The following HS3ST3A1 variants were observed in gnomAD, a reference collection of about 807,000 sequenced individuals.
HS3ST3A1 encodes the protein heparan sulfate glucosamine 3-O-sulfotransferase 3A1.
Under a neutral mutation model 25.7 loss-of-function variants are expected in HS3ST3A1, and 19 were observed. The ratio of observed to expected loss-of-function variants is 0.74; its 90% confidence interval spans 0.52 to 1.08. The LOEUF (loss-of-function observed/expected upper bound fraction) is 1.08. Among genes scored for constraint, HS3ST3A1 ranks in the 50% least tolerant of loss-of-function variants. The pLI is 0.00. For missense variants in HS3ST3A1, 459 were observed against 594.3 expected (o/e 0.77, Z 2.37); for synonymous variants, 226 against 278.6 (o/e 0.81, Z 1.88).
At chr17:13,501,226 A>C (rs548658025) in intron 1 of HS3ST3A1, among the ~76,000 whole-genome samples, 1 of 152,332 alleles carries the variant, frequency 6.6e-6, no homozygotes, top group East Asian at 1.9e-4. Context: ...TGAACCGAAC[A>C]ACGGTTAAAA....
At chr17:13,538,743 CA>C (rs1336622736) in intron 1 of HS3ST3A1, among the ~76,000 whole-genome samples, 1 of 151,986 alleles carries the variant, frequency 6.6e-6, no homozygotes, top group Non-Finnish European at 1.5e-5. Context: ...TCTTTTCAAT[CA>C]AGATTTGGGG....
At chr17:13,549,149 G>T (rs566288257) in intron 1 of HS3ST3A1, among the ~76,000 whole-genome samples, 1 of 152,316 alleles carries the variant, frequency 6.6e-6, no homozygotes, top group African/African-American at 2.4e-5. Context: ...CCTGAAGTCA[G>T]CAAGATCACG....
chr17:13,591,048 CTTTTT>C (rs552742240), intron 1 of HS3ST3A1, among the ~76,000 whole-genome samples: 2 of 136,670 alleles, frequency 1.5e-5, no homozygotes, highest in Non-Finnish European at 3.1e-5. Context: ...TTTTTCTTTT[CTTTTT>C]TTTTTTTTTT....
chr17:13,578,259 G>T (rs1044222469), intron 1 of HS3ST3A1, among the ~76,000 whole-genome samples: 1 of 151,992 alleles, frequency 6.6e-6, no homozygotes, highest in South Asian at 2.1e-4. Context: ...AAAAGTCAGG[G>T]TTTCCAGGCC....
At chr17:13,583,514 G>A (rs1021229884) in intron 1 of HS3ST3A1, among the ~76,000 whole-genome samples, 8 of 152,042 alleles carry the variant, frequency 5.3e-5, no homozygotes, top group African/African-American at 1.9e-4. Context: ...AGTTTTCTGG[G>A]CTCCTCATAC....
At chr17:13,598,076 A>T (rs1487197088) in intron 1 of HS3ST3A1, among the ~76,000 whole-genome samples, 1 of 152,190 alleles carries the variant, frequency 6.6e-6, no homozygotes, top group Non-Finnish European at 1.5e-5. Context: ...CTGGGTGCAA[A>T]TATCTGGAAT....
intron 1 of HS3ST3A1, among the ~76,000 whole-genome samples, chr17:13,537,259 A>G (rs1252174523): frequency 6.6e-6 from 1 of 152,258 alleles, no homozygotes; most frequent in Non-Finnish European, 1.5e-5. Flanking sequence ...TTCTTGGATA[A>G]ATAGAGTGGA....
intron 1 of HS3ST3A1, among the ~76,000 whole-genome samples, chr17:13,559,600 A>G (rs946691131): frequency 4.0e-5 from 6 of 149,696 alleles, no homozygotes; most frequent in Non-Finnish European, 8.9e-5. Context: ...TATATGTTTA[A>G]TTTATTATTG....
chr17:13,544,791 AG>A (rs1161459945), intron 1 of HS3ST3A1, among the ~76,000 whole-genome samples: 2 of 150,554 alleles, frequency 1.3e-5, no homozygotes, highest in Non-Finnish European at 3.0e-5. Flanking sequence ...AAAAAAGTGC[AG>A]CCACCAGCAT....
intron 1 of HS3ST3A1, among the ~76,000 whole-genome samples, chr17:13,532,975 A>C (rs1906654015): frequency 6.6e-6 from 1 of 151,766 alleles, no homozygotes; most frequent in African/African-American, 2.4e-5. Flanking sequence ...GGCTGTTTTC[A>C]GTGACATCTG....
At chr17:13,499,935 A>G (rs575295692) in intron 1 of HS3ST3A1, among the ~76,000 whole-genome samples, 2 of 152,316 alleles carry the variant, frequency 1.3e-5, no homozygotes, top group South Asian at 2.1e-4. Context: ...AAGAAACGAT[A>G]GTCTAAATAA....
chr17:13,543,380 T>C (rs565241944), intron 1 of HS3ST3A1: 2 of 155,914 alleles, frequency 1.3e-5, no homozygotes, highest in South Asian at 4.2e-4. Flanking sequence ...GTGTCAGAAG[T>C]GTTATATCGA....
At chr17:13,561,943 G>C (rs1444686189) in intron 1 of HS3ST3A1, among the ~76,000 whole-genome samples, 5 of 152,130 alleles carry the variant, frequency 3.3e-5, no homozygotes, top group Admixed American at 6.5e-5. Flanking sequence ...GGCTTCCTCA[G>C]ATGAAGCTCT....
chr17:13,554,144 T>C (rs1476268542), intron 1 of HS3ST3A1, among the ~76,000 whole-genome samples: 1 of 152,140 alleles, frequency 6.6e-6, no homozygotes, highest in African/African-American at 2.4e-5. Context: ...AGCAAGACAT[T>C]CGATTGTACC....
chr17:13,511,146 A>G (rs1905846869), intron 1 of HS3ST3A1, among the ~76,000 whole-genome samples: 1 of 152,206 alleles, frequency 6.6e-6, no homozygotes, highest in South Asian at 2.1e-4. Flanking sequence ...TTTAAGTCCC[A>G]CAATTTGGTA....
chr17:13,575,675 T>C (rs1907931271), intron 1 of HS3ST3A1, among the ~76,000 whole-genome samples: 1 of 152,114 alleles, frequency 6.6e-6, no homozygotes. Flanking sequence ...GGAGGGAAAT[T>C]GTATTGGAAA....
intron 1 of HS3ST3A1, among the ~76,000 whole-genome samples, chr17:13,527,227 G>T (rs1426809241): frequency 2.6e-5 from 4 of 151,966 alleles, no homozygotes; most frequent in Non-Finnish European, 5.9e-5. Context: ...TCTCTTGCCT[G>T]CACTAAAGAC....
rs145880198 is a variant in HS3ST3A1, at chr17:13,499,883, G to A, written c.600-3065C>T. The stretch of plus-strand genomic sequence containing the variant: ...GCATGGGATGGGTGTGGAGAGTTGG[G>A]CTTAACTATAAGCTACCTGCAAGCT... On this transcript the variant is annotated intron_variant, in intron 1 of 1. Transcript: ENST00000284110. Among the ~76,000 whole-genome samples, 12 of 152,210 alleles carry A rather than the reference G, an allele frequency of 7.9e-5. No individual in the cohort carries two copies. In the East Asian group the frequency reaches 2.1e-3, roughly 27 times the overall value.
Position 13,510,624 on chromosome 17 carries a change from G to T in HS3ST3A1, c.600-13806C>A, listed in dbSNP as rs80266376. On this transcript the variant is annotated intron_variant, in intron 1 of 1. Coordinates refer to ENST00000284110, the MANE Select transcript of HS3ST3A1 (RefSeq NM_006042.3). Reference sequence around the variant, plus strand: ...GAAGTGACTTGCAGCTATGATTTTGGCAGGAGTCTGGGGTCTTGAACTGCT... The same window carrying T: ...GAAGTGACTTGCAGCTATGATTTTGTCAGGAGTCTGGGGTCTTGAACTGCT... Among the ~76,000 whole-genome samples the T allele has an allele frequency of 4.9e-3, 751 of 152,224 alleles. 7 individuals are homozygous for T. Among genetic ancestry groups the T allele is most frequent in the African/African-American group, 0.017 (714 of 41,534 alleles).
Sources: gnomAD v4.1 joint callset for allele counts (sites outside exome capture counted in the v4.1 genomes callset) on GRCh38, gnomAD v4.1.1 for gene constraint, MANE v1.5 for transcripts, NCBI Gene and HGNC (gene_info 2026-07-23, HGNC 2026-07-21) for gene names.